PCDHA4: variants seen among roughly 807,000 people sequenced by gnomAD.
The protein encoded by PCDHA4 is protocadherin alpha 4.
A neutral mutation model predicts 61.4 loss-of-function variants in PCDHA4; 49 were observed. The ratio of observed to expected loss-of-function variants is 0.80; its 90% CI spans 0.63 to 1.01. The LOEUF (loss-of-function observed/expected upper bound fraction) is 1.01, where lower values mean the gene tolerates loss of function less well. PCDHA4 is among the 50% of genes least tolerant of loss of function. The probability of loss-of-function intolerance (pLI) is 0.00; values close to 1 mark genes in which losing one functional copy is unlikely to be tolerated. For missense variants in PCDHA4, 1,254 were observed against 1,235.8 expected (o/e 1.01, Z -0.22); for synonymous variants, 590 against 550.3 (o/e 1.07, Z -1.01).
chr5:140,845,119 A>C (rs1166318033), intron 1 of PCDHA4, among the ~76,000 whole-genome samples: 4 of 149,728 alleles, frequency 2.7e-5, no homozygotes, highest in African/African-American at 9.8e-5. Flanking sequence ...GTCCATGTTT[A>C]GCATTTTATT....
chr5:140,875,651 T>A lies in PCDHA4; in HGVS notation c.2385+66079T>A, dbSNP rs782085221. The A allele has an allele frequency of 5.1e-5, 83 of 1,613,604 alleles. 1 individual carries two copies. The South Asian group carries it at 8.5e-4, about 16-fold the overall frequency. On this transcript the variant is annotated intron_variant, in intron 1 of 3. Coordinates refer to ENST00000530339, the MANE Select transcript of PCDHA4 (RefSeq NM_018907.4). Reference sequence around the variant, plus strand: ...CTGGGGCTGGAGCTGGCGGAGCTGGTGCCGCGCCTGTTCCGGGTGGCGTCC... The same window carrying A: ...CTGGGGCTGGAGCTGGCGGAGCTGGAGCCGCGCCTGTTCCGGGTGGCGTCC...
chr5:140,894,649 T>C (rs1270978331), intron 1 of PCDHA4, among the ~76,000 whole-genome samples: 3 of 152,024 alleles, frequency 2.0e-5, no homozygotes, highest in African/African-American at 7.2e-5. Context: ...ACTGAGTCTC[T>C]CTAATTCTGA....
chr5:140,937,160 C>T lies in PCDHA4; in HGVS notation c.2386-41789C>T, dbSNP rs767846084. Among the ~76,000 whole-genome samples the T allele has an allele frequency of 1.0e-3, 155 of 151,762 alleles. 1 individual carries two copies. Among genetic ancestry groups the T allele is most frequent in the Admixed American group, 4.7e-3 (71 of 15,248 alleles). ...TCATGCCATTCTCCTGCCTCAGCCT[C>T]CCGAGTAGCTGGGACTACAGGCGCC... On this transcript the variant is annotated intron_variant, in intron 1 of 3. Coordinates refer to ENST00000530339, the MANE Select transcript of PCDHA4 (RefSeq NM_018907.4).
intron 1 of PCDHA4, among the ~76,000 whole-genome samples, chr5:140,942,542 G>C (rs1023135030): frequency 6.6e-5 from 10 of 152,046 alleles, no homozygotes; most frequent in African/African-American, 2.4e-4. Flanking sequence ...AGTATGGTGG[G>C]GGGTAGGGGG....
At position 140,807,677 on chromosome 5, in the gene PCDHA4, G is replaced by A. The variant is rs782620777; in HGVS notation, c.490G>A (p.Glu164Lys). ...LEGASDADIGENALLTYRLSP... is the reference protein window; with the variant it reads ...LEGASDADIGKNALLTYRLSP... ...GGGCGCCTCGGATGCAGATATCGGG[G>A]AGAACGCCCTGCTCACTTACAGACT... is the stretch of plus-strand genomic sequence containing the variant. The change falls in exon 1 of 4, where the codon GAG becomes AAG. Residue 164 changes from glutamate to lysine, a missense_variant. Glu to Lys is a moderately conservative substitution (Grantham distance 56). Transcript: ENST00000530339. The A allele has an allele frequency of 1.1e-5, 17 of 1,614,072 alleles. No homozygotes were observed. The Admixed American group carries it at 2.7e-4, about 25-fold the overall frequency.
intron 1 of PCDHA4, among the ~76,000 whole-genome samples, chr5:140,879,542 GA>G (rs1281717017): frequency 6.6e-6 from 1 of 152,104 alleles, no homozygotes; most frequent in African/African-American, 2.4e-5. Context: ...CTCCTTTAGA[GA>G]AAAAAATAAT....
Position 140,850,919 on chromosome 5 carries a change from T to C in PCDHA4, c.2385+41347T>C, listed in dbSNP as rs2150502156. 62 of 1,527,062 alleles carry C rather than the reference T, an allele frequency of 4.1e-5. 7 individuals are homozygous for C. The highest frequency in any genetic ancestry group is 4.8e-5 in the Non-Finnish European group (55 of 1,135,558). The allele number at this position is 1,527,062 out of a possible 1,614,324, so 94.6% of individuals were successfully genotyped here. ...GTTTTTCTAGCATTTTATTTATTTA[T>C]ATAATTTTTTTTCTTGAAAGATATT... On this transcript the variant is annotated intron_variant, in intron 1 of 3. Coordinates refer to ENST00000530339, the MANE Select transcript of PCDHA4 (RefSeq NM_018907.4).
chr5:140,852,081 T>C (rs2042233455), intron 1 of PCDHA4: 1 of 899,702 alleles, frequency 1.1e-6, no homozygotes, highest in Non-Finnish European at 1.4e-6. Context: ...AGCTATTTTA[T>C]TTAATATTGT....
At chr5:140,968,349 G>A (rs1554230631) in intron 1 of PCDHA4, 2 of 1,614,128 alleles carry the variant, frequency 1.2e-6, no homozygotes, top group Admixed American at 3.3e-5. Context: ...AACAGTGCCA[G>A]TGGCAGCCTT....
intron 1 of PCDHA4, chr5:140,828,577 T>C: frequency 6.2e-7 from 1 of 1,614,252 alleles, no homozygotes; most frequent in Non-Finnish European, 8.5e-7. Flanking sequence ...ATGCAGATGT[T>C]GGCTCAAATT....
Position 140,856,344 on chromosome 5 carries a change from T to C in PCDHA4, c.2385+46772T>C, listed in dbSNP as rs782335067. 2.8e-5 allele frequency: 45 copies of C among 1,598,188 alleles called. 4 individuals are homozygous for C. The highest frequency in any genetic ancestry group is 1.5e-4 in the Admixed American group (9 of 59,260). On this transcript the variant is annotated intron_variant, in intron 1 of 3. Transcript: ENST00000530339. The stretch of plus-strand genomic sequence containing the variant: ...CGCGAGGAGCTGTGCGGGCGGAGCG[T>C]GGAGTGCAGCATCCACCTGGAGGTG...
chr5:140,973,468 C>T (rs2096588845), intron 1 of PCDHA4, among the ~76,000 whole-genome samples: 1 of 152,202 alleles, frequency 6.6e-6, no homozygotes, highest in East Asian at 1.9e-4. Context: ...TTTTAGTTTG[C>T]AAATTTCATA....
intron 1 of PCDHA4, chr5:140,930,304 A>G (rs1554207720): frequency 6.6e-6 from 1 of 152,236 alleles, no homozygotes. Flanking sequence ...ATAAGTAAAT[A>G]TCATATTTGA....
chr5:140,974,350 C>A (rs555781549), intron 1 of PCDHA4, among the ~76,000 whole-genome samples: 1 of 152,186 alleles, frequency 6.6e-6, no homozygotes, highest in African/African-American at 2.4e-5. Context: ...GCATCCAGAA[C>A]TAAACAGACC....
intron 1 of PCDHA4, chr5:140,863,342 T>G: frequency 7.5e-7 from 1 of 1,338,916 alleles, no homozygotes; most frequent in Non-Finnish European, 1.0e-6. Flanking sequence ...ACGTTGCTGC[T>G]GTACACGACG....
chr5:140,953,542 A>G (rs2094901319), intron 1 of PCDHA4, among the ~76,000 whole-genome samples: 1 of 152,080 alleles, frequency 6.6e-6, no homozygotes, highest in Admixed American at 6.6e-5. Flanking sequence ...CTTCATGCTG[A>G]TTCTTTTCTC....
chr5:140,854,797 A>G (rs1299295498), intron 1 of PCDHA4: 1 of 149,772 alleles, frequency 6.7e-6, no homozygotes, highest in African/African-American at 2.4e-5. Context: ...TGAGAGAGAA[A>G]AAAATATTTT....
rs574487083 is a variant in PCDHA4 at position 140,915,476 on chromosome 5, T to C, written c.2386-63473T>C. Among the ~76,000 whole-genome samples the C allele has an allele frequency of 2.0e-5, 3 of 152,296 alleles. No homozygotes were observed. The South Asian group carries it at 6.2e-4, about 32-fold the overall frequency. On this transcript the variant is annotated intron_variant, in intron 1 of 3. Transcript: ENST00000530339. ...CCAGAAGGTTTTTATTTGAAGGAGC[T>C]TGGGCCTCAATCCCAATAATACTGT...
intron 1 of PCDHA4, among the ~76,000 whole-genome samples, chr5:140,934,320 T>C (rs910163789): frequency 6.6e-6 from 1 of 152,154 alleles, no homozygotes; most frequent in Non-Finnish European, 1.5e-5. Flanking sequence ...AAATGTCCAA[T>C]CATGAATGTA....
Sources: gnomAD v4.1 joint callset for allele counts (sites outside exome capture counted in the v4.1 genomes callset) on GRCh38, gnomAD v4.1.1 for gene constraint, MANE v1.5 for transcripts, NCBI Gene and HGNC (gene_info 2026-07-23, HGNC 2026-07-21) for gene names.